MDN1: variants seen among roughly 807,000 people sequenced by gnomAD.
MDN1 encodes the protein midasin.
A neutral mutation model predicts 669.2 loss-of-function variants in MDN1; 266 were observed. That is an observed-to-expected ratio of 0.40 (90% CI 0.36 to 0.44). The LOEUF (loss-of-function observed/expected upper bound fraction) is 0.44. MDN1 is among the 20% of genes least tolerant of loss of function. The pLI is 1.00. For synonymous variants in MDN1, 2,385 were observed against 2,457.1 expected, an observed-to-expected ratio of 0.97 and a Z score of 0.87; for missense variants, 5,940 against 6,754.0, an observed-to-expected ratio of 0.88 and a Z score of 4.22.
At chr6:89,745,166 G>T in intron 29 of MDN1, 107 bp downstream of exon 29, 2 of 907,994 alleles carry the variant, frequency 2.2e-6, no homozygotes, top group Non-Finnish European at 1.4e-6. Flanking sequence ...AAAAGAGGAA[G>T]GAGGAAAGAA....
At chr6:89,656,569 T>G in intron 91 of MDN1, 131 bp downstream of exon 91, 1 of 742,218 alleles carries the variant, frequency 1.3e-6, no homozygotes, top group Non-Finnish European at 2.2e-6. Context: ...AAGGCTGCTA[T>G]CATATCTGAT....
chr6:89,697,888 A>T (rs189307740), intron 59 of MDN1, among the ~76,000 whole-genome samples: 57 of 152,140 alleles, frequency 3.7e-4, no homozygotes, highest in Non-Finnish European at 6.3e-4. Context: ...GACCAACACA[A>T]TTTTTTTTAA....
rs771881826 is a variant in MDN1 at position 89,819,648 on chromosome 6, A to G, written c.-41T>C. The G allele has an allele frequency of 3.2e-6, 5 of 1,557,624 alleles. No homozygotes were observed. The highest frequency in any genetic ancestry group is 3.5e-6 in the Non-Finnish European group (4 of 1,142,788). The stretch of plus-strand genomic sequence containing the variant: ...CCCCGAGCGGCCACCTGCGCTCCCT[A>G]CTTCGCGGCCAGCGTCCCCAAGCCG... On this transcript the variant is annotated 5_prime_UTR_variant, in exon 1 of 102. Coordinates refer to ENST00000369393, the MANE Select transcript of MDN1 (RefSeq NM_014611.3).
chr6:89,791,875 A>ATTTTTTTTT (rs66492732), intron 5 of MDN1, among the ~76,000 whole-genome samples: 4 of 114,030 alleles, frequency 3.5e-5, no homozygotes, highest in Non-Finnish European at 6.9e-5. Flanking sequence ...AAAACTTTTA[A>ATTTTTTTTT]TTTTTTTTTT....
At chr6:89,812,536 G>C (rs1768501601) in intron 1 of MDN1, among the ~76,000 whole-genome samples, 1 of 152,070 alleles carries the variant, frequency 6.6e-6, no homozygotes. Flanking sequence ...CTTCATATTT[G>C]TATGTCTGTA....
intron 76 of MDN1, among the ~76,000 whole-genome samples, chr6:89,676,487 C>T (rs1415155542): frequency 6.6e-6 from 1 of 152,144 alleles, no homozygotes; most frequent in African/African-American, 2.4e-5. Flanking sequence ...CTGATGCCTA[C>T]AGGGGCCAGG....
chr6:89,700,400 G>A, intron 56 of MDN1, 106 bp from the exon 57 acceptor site: 1 of 899,050 alleles, frequency 1.1e-6, no homozygotes, highest in Non-Finnish European at 1.7e-6. Context: ...GAGCTAATCA[G>A]AGTTAAGCTC....
intron 34 of MDN1, 72 bp downstream of exon 34, chr6:89,732,485 G>A (rs760131693): frequency 4.6e-6 from 6 of 1,304,370 alleles, no homozygotes; most frequent in Non-Finnish European, 6.5e-6. Context: ...TGGGTCAGAG[G>A]CCTGGGCTTG....
rs529280214 is a variant in MDN1, at chr6:89,749,535, C to T, written c.3615+8G>A. ...ACAAATTGAAGGAAGGAGACAAATG[C>T]TACATACCTTTCTGCCTCCATAAAG... On this transcript the variant is annotated splice_region_variant and intron_variant, in intron 25 of 101. Coordinates refer to ENST00000369393, the MANE Select transcript of MDN1 (RefSeq NM_014611.3). 25 of 1,613,630 alleles carry T rather than the reference C, an allele frequency of 1.5e-5. No individual in the cohort carries two copies. In the Middle Eastern group the frequency reaches 4.9e-4, roughly 32 times the overall value.
intron 15 of MDN1, 48 bp downstream of exon 15, chr6:89,771,513 T>C: frequency 6.7e-7 from 1 of 1,487,816 alleles, no homozygotes. Context: ...ATTTCTTACC[T>C]CAAGCAATAA....
intron 27 of MDN1, 128 bp from the exon 28 acceptor site, chr6:89,745,754 T>A: frequency 1.1e-6 from 1 of 874,668 alleles, no homozygotes; most frequent in Non-Finnish European, 1.7e-6. Context: ...TCTGAAGAAC[T>A]AGGACAGCCT....
intron 17 of MDN1, among the ~76,000 whole-genome samples, chr6:89,759,625 G>A (rs139761166): frequency 2.3e-4 from 35 of 152,176 alleles, no homozygotes; most frequent in African/African-American, 7.9e-4. Flanking sequence ...ATAGCCGGGC[G>A]TGGTGGCACG....
At chr6:89,811,124 TA>T (rs1768386346) in intron 1 of MDN1, among the ~76,000 whole-genome samples, 1 of 152,148 alleles carries the variant, frequency 6.6e-6, no homozygotes, top group Admixed American at 6.5e-5. Context: ...TAACCCACAA[TA>T]TGGGTGGTGC....
intron 40 of MDN1, among the ~76,000 whole-genome samples, 155 bp from the exon 41 acceptor site, chr6:89,719,380 T>C (rs1371397583): frequency 1.3e-5 from 2 of 152,242 alleles, no homozygotes; most frequent in African/African-American, 4.8e-5. Context: ...TAAAAAGGAT[T>C]GACTGCATTT....
At chr6:89,796,221 G>A (rs1322314269) in intron 2 of MDN1, among the ~76,000 whole-genome samples, 2 of 149,392 alleles carry the variant, frequency 1.3e-5, no homozygotes, top group African/African-American at 4.9e-5. Context: ...CTACTCAGGA[G>A]GCTGAGGCAG....
intron 11 of MDN1, among the ~76,000 whole-genome samples, chr6:89,777,730 C>CAACT (rs769109449): frequency 6.6e-6 from 1 of 152,112 alleles, no homozygotes; most frequent in Non-Finnish European, 1.5e-5. Context: ...TGCATTCCAG[C>CAACT]AACTAACTAA....
chr6:89,747,311 A>C lies in MDN1; in HGVS notation c.3904+18T>G. On this transcript the variant is annotated intron_variant, in intron 27 of 101. Coordinates refer to ENST00000369393, the MANE Select transcript of MDN1 (RefSeq NM_014611.3). ...TTTAACATAACTATATATTGAGAGC[A>C]TTTGATTGAAAACACACCATCATTG... 6.2e-7 allele frequency: 1 copy of C among 1,605,794 alleles called. No individual in the cohort carries two copies. Among genetic ancestry groups the C allele is most frequent in the East Asian group, 2.2e-5 (1 of 44,836 alleles).
At chr6:89,734,851 A>T (rs547156377) in intron 33 of MDN1, among the ~76,000 whole-genome samples, 42 of 151,906 alleles carry the variant, frequency 2.8e-4, no homozygotes, top group Admixed American at 1.3e-3. Context: ...CTCCACTTTT[A>T]GAATATAACA....
rs534793312 is a variant in MDN1, at chr6:89,682,438, G to A, written c.12102+694C>T. On this transcript the variant is annotated intron_variant, in intron 73 of 101. Coordinates refer to ENST00000369393, the MANE Select transcript of MDN1 (RefSeq NM_014611.3). Reference sequence around the variant, plus strand: ...AAGACTAAAAGTTCGGCCAGGAGCGGTGGCTCCCGCCTGTAATCCGAGCAC... The same window carrying A: ...AAGACTAAAAGTTCGGCCAGGAGCGATGGCTCCCGCCTGTAATCCGAGCAC... 3.9e-3 allele frequency among the ~76,000 whole-genome samples: 593 copies of A among 152,276 alleles called. 4 individuals carry two copies. Among genetic ancestry groups the A allele is most frequent in the Non-Finnish European group, 6.1e-3 (417 of 68,022 alleles).
Sources: gnomAD v4.1 joint callset for allele counts (sites outside exome capture counted in the v4.1 genomes callset) on GRCh38, gnomAD v4.1.1 for gene constraint, MANE v1.5 for transcripts, NCBI Gene and HGNC (gene_info 2026-07-23, HGNC 2026-07-21) for gene names.